Variants in PACRG observed in about 807,000 individuals in gnomAD.
PACRG encodes parkin coregulated gene protein.
PACRG carries 29 observed loss-of-function variants against 29.7 expected under a neutral mutation model. The observed-to-expected ratio is 0.98, with a 90% CI of 0.73 to 1.33. The LOEUF is 1.33. Among genes scored for constraint, PACRG ranks in the 40% most tolerant of loss-of-function variants. The pLI is 0.00. For synonymous variants in PACRG, 116 were observed against 118.7 expected (o/e 0.98, Z 0.15); for missense variants, 279 against 316.2 (o/e 0.88, Z 0.89).
At chr6:163,177,710 A>T (rs201673042) in intron 4 of PACRG, among the ~76,000 whole-genome samples, 138 of 53,710 alleles carry the variant, frequency 2.6e-3, no homozygotes, top group South Asian at 9.6e-3. Context: ...TAGAAAAGGG[A>T]TTTTTTTTTT....
chr6:162,927,112 C>T (rs1228148007), intron 2 of PACRG, among the ~76,000 whole-genome samples: 1 of 152,062 alleles, frequency 6.6e-6, no homozygotes, highest in East Asian at 1.9e-4. Context: ...GATACCATCT[C>T]CACCGGTCAG....
intron 2 of PACRG, among the ~76,000 whole-genome samples, chr6:162,989,890 C>A (rs1175244838): frequency 6.6e-6 from 1 of 151,984 alleles, no homozygotes; most frequent in Non-Finnish European, 1.5e-5. Context: ...CCTCCCCGCT[C>A]CCCCGACCCC....
chr6:163,175,899 A>G (rs1186164387), intron 4 of PACRG, among the ~76,000 whole-genome samples: 1 of 152,104 alleles, frequency 6.6e-6, no homozygotes, highest in Non-Finnish European at 1.5e-5. Context: ...TCAATTTTGT[A>G]TTTCCAATCT....
intron 2 of PACRG, among the ~76,000 whole-genome samples, chr6:162,947,608 A>ATATATAT (rs1554313269): frequency 1.5e-5 from 1 of 66,346 alleles, no homozygotes; most frequent in Non-Finnish European, 2.7e-5. Context: ...ATATATATAT[A>ATATATAT]ATCATATATA....
intron 4 of PACRG, among the ~76,000 whole-genome samples, chr6:163,243,649 C>T (rs888265733): frequency 1.3e-5 from 2 of 152,196 alleles, no homozygotes; most frequent in East Asian, 3.9e-4. Context: ...CCCCAGTGGT[C>T]TCCTCCAGGT....
At chr6:163,022,623 C>T (rs1806743113) in intron 2 of PACRG, among the ~76,000 whole-genome samples, 1 of 152,192 alleles carries the variant, frequency 6.6e-6, no homozygotes, top group Non-Finnish European at 1.5e-5. Flanking sequence ...ATTTTAATTA[C>T]CTGCTCCAGT....
chr6:163,270,437 C>T (rs1056624825), intron 4 of PACRG, among the ~76,000 whole-genome samples: 1 of 152,118 alleles, frequency 6.6e-6, no homozygotes, highest in Non-Finnish European at 1.5e-5. Flanking sequence ...GTGGCGCAAT[C>T]ATAGCTCACT....
At chr6:162,871,246 G>A (rs1408293270) in intron 2 of PACRG, among the ~76,000 whole-genome samples, 2 of 152,084 alleles carry the variant, frequency 1.3e-5, no homozygotes, top group Non-Finnish European at 2.9e-5. Context: ...TTGATAAATA[G>A]GTGATGTTTA....
chr6:163,174,708 T>G (rs1010865552), intron 4 of PACRG, among the ~76,000 whole-genome samples: 1 of 152,100 alleles, frequency 6.6e-6, no homozygotes, highest in Admixed American at 6.5e-5. Context: ...TCAGAAGAGT[T>G]TGTCAATTTC....
At chr6:162,950,620 G>A (rs567429372) in intron 2 of PACRG, among the ~76,000 whole-genome samples, 4 of 152,160 alleles carry the variant, frequency 2.6e-5, no homozygotes, top group Admixed American at 6.5e-5. Flanking sequence ...TTGGATATAC[G>A]TTCATGATTC....
At chr6:163,080,064 A>G (rs1350829370) in intron 3 of PACRG, among the ~76,000 whole-genome samples, 1 of 151,342 alleles carries the variant, frequency 6.6e-6, no homozygotes, top group Admixed American at 6.6e-5. Context: ...ACGCCTGGCT[A>G]ATTTTTTGTA....
chr6:163,197,990 C>T (rs1331746304), intron 4 of PACRG, among the ~76,000 whole-genome samples: 2 of 152,338 alleles, frequency 1.3e-5, no homozygotes, highest in Non-Finnish European at 2.9e-5. Flanking sequence ...ATAATGACTT[C>T]ATCATCACTG....
At chr6:162,909,554 CAAAAAAAAAA>C (rs562001835) in intron 2 of PACRG, among the ~76,000 whole-genome samples, 2 of 70,054 alleles carry the variant, frequency 2.9e-5, no homozygotes, top group South Asian at 9.9e-4. Flanking sequence ...GACTCCATCT[CAAAAAAAAAA>C]AAAAAAAAAA....
intron 2 of PACRG, among the ~76,000 whole-genome samples, chr6:162,831,289 A>G (rs993564383): frequency 2.0e-5 from 3 of 152,132 alleles, no homozygotes; most frequent in African/African-American, 7.2e-5. Context: ...ATTTATATTT[A>G]TTGCTTTTCA....
chr6:162,837,187 G>A lies in PACRG; in HGVS notation c.291+22906G>A, dbSNP rs554858379. 3.9e-4 allele frequency among the ~76,000 whole-genome samples: 59 copies of A among 152,274 alleles called. No homozygotes were observed. In the South Asian group the frequency reaches 5.8e-3, roughly 15 times the overall value. ...GGTAGCGCATTGTCCTGCGTAGATA[G>A]TGGGGGAGATGATAAAGAAGGAAAT... On this transcript the variant is annotated intron_variant, in intron 2 of 4. Transcript: ENST00000366888.
rs77640232 is a variant in PACRG at position 163,156,782 on chromosome 6, C to T, written c.613+67374C>T. On this transcript the variant is annotated intron_variant, in intron 4 of 4. Transcript: ENST00000366888. ...TTCCTGGCCTTTTCCAGCTTTCACTCCTTGGCTCGTGGGCCTCTTCAAAGA... is the reference window on the plus strand; with the variant it reads ...TTCCTGGCCTTTTCCAGCTTTCACTTCTTGGCTCGTGGGCCTCTTCAAAGA... 8.5e-4 allele frequency among the ~76,000 whole-genome samples: 130 copies of T among 152,276 alleles called. 1 individual carries two copies. The Middle Eastern group carries it at 0.01, about 12-fold the overall frequency.
chr6:163,190,745 G>A, intron 4 of PACRG: 2 of 268,538 alleles, frequency 7.4e-6, no homozygotes, highest in South Asian at 7.8e-5. Context: ...AAAGTGTAGG[G>A]CTCTTTCTCT....
intron 4 of PACRG, among the ~76,000 whole-genome samples, chr6:163,144,233 C>CAAAAAAAAAAAAAAAA (rs754157729): frequency 2.0e-5 from 2 of 101,932 alleles, no homozygotes; most frequent in Non-Finnish European, 3.8e-5. Context: ...CGTCTCAAAA[C>CAAAAAAAAAAAAAAAA]AAAAAAAAAA....
At chr6:163,021,324 G>A (rs991825579) in intron 2 of PACRG, among the ~76,000 whole-genome samples, 2 of 152,190 alleles carry the variant, frequency 1.3e-5, no homozygotes, top group African/African-American at 4.8e-5. Context: ...TGTGCACACA[G>A]TACCCAAGAT....
Sources: allele counts gnomAD v4.1 joint callset (sites outside exome capture counted in the v4.1 genomes callset), GRCh38; gene constraint gnomAD v4.1.1; transcripts MANE v1.5; gene names NCBI Gene and HGNC (gene_info 2026-07-23, HGNC 2026-07-21).